The following LRRTM4 variants were observed in gnomAD, a reference collection of about 807,000 sequenced individuals.
The protein encoded by LRRTM4 is leucine rich repeat transmembrane neuronal 4, also known as leucine-rich repeat transmembrane neuronal protein 4.
Under a neutral mutation model 47.6 loss-of-function variants are expected in LRRTM4, and 25 were observed. The ratio of observed to expected loss-of-function variants is 0.53; its 90% CI spans 0.38 to 0.73. The LOEUF is 0.73. Ranked by LOEUF, LRRTM4 falls within the 30% of genes least tolerant of loss-of-function variation. LRRTM4 has a pLI of 0.00. For synonymous variants in LRRTM4, 311 were observed against 269.5 expected, an observed-to-expected ratio of 1.15 and a Z score of -1.51; for missense variants, 638 against 713.4, an observed-to-expected ratio of 0.89 and a Z score of 1.20.
intron 3 of LRRTM4, among the ~76,000 whole-genome samples, chr2:77,177,638 T>C (rs984536714): frequency 6.6e-6 from 1 of 152,216 alleles, no homozygotes; most frequent in Non-Finnish European, 1.5e-5. Context: ...CAAGTCAGAA[T>C]GCTTTCTTAT....
At chr2:76,922,140 A>G (rs1372564321) in intron 3 of LRRTM4, among the ~76,000 whole-genome samples, 1 of 152,166 alleles carries the variant, frequency 6.6e-6, no homozygotes, top group East Asian at 1.9e-4. Flanking sequence ...AATAAGCTAG[A>G]TGCAAAAAGT....
intron 3 of LRRTM4, among the ~76,000 whole-genome samples, chr2:77,258,860 TAA>T (rs1252549826): frequency 4.6e-5 from 7 of 151,776 alleles, no homozygotes; most frequent in East Asian, 3.9e-4. Context: ...TAGAATAATA[TAA>T]GAGTGATATT....
intron 3 of LRRTM4, among the ~76,000 whole-genome samples, chr2:77,164,679 G>A (rs1221368128): frequency 2.0e-5 from 3 of 152,168 alleles, no homozygotes; most frequent in Non-Finnish European, 4.4e-5. Context: ...CCGCTCAACT[G>A]CATAGAAACT....
chr2:77,399,192 AT>A (rs1217607648), intron 3 of LRRTM4, among the ~76,000 whole-genome samples: 2 of 151,090 alleles, frequency 1.3e-5, no homozygotes, highest in Non-Finnish European at 3.0e-5. Flanking sequence ...ATTTTAAAAA[AT>A]ATTTTTAAAT....
chr2:77,348,780 CATT>C (rs1671657896), intron 3 of LRRTM4, among the ~76,000 whole-genome samples: 1 of 108,480 alleles, frequency 9.2e-6, no homozygotes, highest in Non-Finnish European at 2.0e-5. Context: ...AAATAGAAAA[CATT>C]AATACAAAAT....
At position 76,784,218 on chromosome 2, in the gene LRRTM4, A is replaced by G. The variant is rs112256735; in HGVS notation, c.1552-35302T>C. The stretch of plus-strand genomic sequence containing the variant: ...ATTAATGTTTTTGAGAAAGAATCCA[A>G]TTTCTTTTATTAAATACATTATTCA... On this transcript the variant is annotated intron_variant, in intron 3 of 3. Transcript: ENST00000409884. Among the ~76,000 whole-genome samples the G allele has an allele frequency of 5.7e-3, 864 of 152,204 alleles. 7 individuals carry two copies. The highest frequency in any genetic ancestry group is 0.019 in the African/African-American group (788 of 41,560).
chr2:77,318,423 A>G (rs960634376), intron 3 of LRRTM4, among the ~76,000 whole-genome samples: 1 of 152,232 alleles, frequency 6.6e-6, no homozygotes, highest in African/African-American at 2.4e-5. Flanking sequence ...GCTCAAAGTC[A>G]ACATTTATGG....
intron 3 of LRRTM4, among the ~76,000 whole-genome samples, chr2:77,304,337 T>C (rs1677215942): frequency 6.6e-6 from 1 of 152,170 alleles, no homozygotes; most frequent in Non-Finnish European, 1.5e-5. Flanking sequence ...CCTGATTTTG[T>C]TTGGATGTTA....
chr2:77,024,911 T>C (rs1472603343), intron 3 of LRRTM4, among the ~76,000 whole-genome samples: 1 of 152,196 alleles, frequency 6.6e-6, no homozygotes, highest in East Asian at 1.9e-4. Context: ...ATGTGGATAA[T>C]ATTTTCAAAA....
chr2:77,353,546 CAT>C (rs576452171), intron 3 of LRRTM4, among the ~76,000 whole-genome samples: 568 of 152,258 alleles, frequency 3.7e-3, no homozygotes, highest in Non-Finnish European at 5.6e-3. Flanking sequence ...CATCCTTGCA[CAT>C]ATGTCTTTCC....
intron 3 of LRRTM4, among the ~76,000 whole-genome samples, chr2:77,196,030 T>C (rs906794092): frequency 5.3e-5 from 8 of 152,196 alleles, no homozygotes; most frequent in African/African-American, 1.9e-4. Flanking sequence ...CCTCCAATGA[T>C]CCAATTAAAA....
At chr2:77,361,338 G>T (rs904776236) in intron 3 of LRRTM4, among the ~76,000 whole-genome samples, 5 of 151,622 alleles carry the variant, frequency 3.3e-5, no homozygotes, top group Non-Finnish European at 7.4e-5. Context: ...TTCTCATTTA[G>T]GTTAAAGAAA....
At chr2:76,796,267 ATTAG>A (rs1675319642) in intron 3 of LRRTM4, among the ~76,000 whole-genome samples, 2 of 73,802 alleles carry the variant, frequency 2.7e-5, no homozygotes, top group South Asian at 1.0e-3. Context: ...AACAGGCTTG[ATTAG>A]GTAAACAAAG....
At position 77,462,501 on chromosome 2, in the gene LRRTM4, C is replaced by T. The variant is rs78820262; in HGVS notation, c.1551+55817G>A. Among the ~76,000 whole-genome samples the T allele has an allele frequency of 2.0e-3, 306 of 152,098 alleles. 1 individual carries two copies. Among genetic ancestry groups the T allele is most frequent in the African/African-American group, 7.1e-3 (295 of 41,516 alleles). On this transcript the variant is annotated intron_variant, in intron 3 of 3. Transcript: ENST00000409884. ...TCCTGACACAGCCCCTAATCTCACTCCTGGCTATCACCAATCAGTTAATAA... is the reference window on the plus strand; with the variant it reads ...TCCTGACACAGCCCCTAATCTCACTTCTGGCTATCACCAATCAGTTAATAA...
intron 3 of LRRTM4, among the ~76,000 whole-genome samples, chr2:77,190,596 A>T (rs1673641610): frequency 6.6e-6 from 1 of 152,100 alleles, no homozygotes. Context: ...CACCGCACCC[A>T]GCCAACAGAG....
At position 77,141,691 on chromosome 2, in the gene LRRTM4, T is replaced by C. The variant is rs187094130; in HGVS notation, c.1551+376627A>G. ...AATGTAGGTAGAGGACTCCTAAGTT[T>C]TTATTTTCTGAAATGAGTTGCTAAA... On this transcript the variant is annotated intron_variant, in intron 3 of 3. Coordinates refer to ENST00000409884, the MANE Select transcript of LRRTM4 (RefSeq NM_001134745.3). Among the ~76,000 whole-genome samples, 35 of 152,326 alleles carry C rather than the reference T, an allele frequency of 2.3e-4. No individual in the cohort carries two copies. The East Asian group carries it at 6.6e-3, about 29-fold the overall frequency.
intron 3 of LRRTM4, among the ~76,000 whole-genome samples, chr2:77,206,091 C>T (rs865830699): frequency 1.3e-5 from 2 of 152,110 alleles, no homozygotes; most frequent in African/African-American, 2.4e-5. Context: ...ACCCCAACTA[C>T]CTTGGCCTTC....
intron 3 of LRRTM4, among the ~76,000 whole-genome samples, chr2:77,167,969 G>A (rs1477405082): frequency 6.6e-6 from 1 of 151,876 alleles, no homozygotes; most frequent in Non-Finnish European, 1.5e-5. Context: ...AGAAAAAAGA[G>A]TTCTTCTACC....
chr2:76,844,540 A>C (rs917254377), intron 3 of LRRTM4, among the ~76,000 whole-genome samples: 11 of 152,302 alleles, frequency 7.2e-5, no homozygotes, highest in African/African-American at 2.6e-4. Context: ...TATCAGCAAA[A>C]GTTAAATGAA....
Sources: gnomAD v4.1 joint callset for allele counts (sites outside exome capture counted in the v4.1 genomes callset) on GRCh38, gnomAD v4.1.1 for gene constraint, MANE v1.5 for transcripts, NCBI Gene and HGNC (gene_info 2026-07-23, HGNC 2026-07-21) for gene names.